Variants in ELMO1 observed in about 807,000 individuals in gnomAD.
The protein encoded by ELMO1 is engulfment and cell motility 1, also known as engulfment and cell motility protein 1.
A neutral mutation model predicts 98.9 loss-of-function variants in ELMO1; 26 were observed. The ratio of observed to expected loss-of-function variants is 0.26; its 90% CI spans 0.19 to 0.36. The LOEUF is 0.36. Among genes scored for constraint, ELMO1 ranks in the 10% least tolerant of loss-of-function variants. ELMO1 has a pLI of 1.00. For synonymous variants in ELMO1, 346 were observed against 346.0 expected (o/e 1.00, Z 0.00); for missense variants, 627 against 935.2 (o/e 0.67, Z 4.30).
chr7:37,036,256 C>A (rs1795168705), intron 15 of ELMO1, among the ~76,000 whole-genome samples: 1 of 152,090 alleles, frequency 6.6e-6, no homozygotes, highest in South Asian at 2.1e-4. Flanking sequence ...AATTCAAACC[C>A]ATGTTGCTCA....
At chr7:37,301,497 C>T (rs964392978) in intron 4 of ELMO1, among the ~76,000 whole-genome samples, 2 of 152,120 alleles carry the variant, frequency 1.3e-5, no homozygotes, top group African/African-American at 4.8e-5. Flanking sequence ...TGCTTGATGA[C>T]CAAGGTTGCC....
chr7:37,335,740 C>A (rs1480411963), intron 2 of ELMO1, among the ~76,000 whole-genome samples: 1 of 152,234 alleles, frequency 6.6e-6, no homozygotes, highest in African/African-American at 2.4e-5. Context: ...AACTATGTAT[C>A]TCTTCCCATT....
chr7:37,054,698 G>A (rs1003881644), intron 15 of ELMO1, among the ~76,000 whole-genome samples: 7 of 152,052 alleles, frequency 4.6e-5, no homozygotes, highest in African/African-American at 1.7e-4. Context: ...TCTATTTCAT[G>A]TAGTATTTTA....
intron 16 of ELMO1, among the ~76,000 whole-genome samples, chr7:36,896,207 T>C (rs985179076): frequency 6.6e-6 from 1 of 152,090 alleles, no homozygotes; most frequent in Non-Finnish European, 1.5e-5. Context: ...GTGGAGGAGG[T>C]GCTAGTATCA....
intron 1 of ELMO1, among the ~76,000 whole-genome samples, chr7:37,427,573 T>A (rs76087933): frequency 0.022 from 3,355 of 152,380 alleles, 62 homozygotes; most frequent in Non-Finnish European, 0.034. Context: ...CTCAGGATGA[T>A]ATTCTGCAAA....
chr7:37,392,626 G>A (rs543752662), intron 1 of ELMO1, among the ~76,000 whole-genome samples: 1 of 152,314 alleles, frequency 6.6e-6, no homozygotes, highest in Admixed American at 6.5e-5. Flanking sequence ...CCTCCCTATA[G>A]AATGGAGAGA....
chr7:37,407,094 A>C (rs1197076904), intron 1 of ELMO1, among the ~76,000 whole-genome samples: 2 of 152,214 alleles, frequency 1.3e-5, no homozygotes, highest in African/African-American at 4.8e-5. Flanking sequence ...CCTAACATAT[A>C]CTTGACAAAA....
intron 14 of ELMO1, among the ~76,000 whole-genome samples, chr7:37,103,352 C>T (rs1425733814): frequency 6.6e-6 from 1 of 152,020 alleles, no homozygotes; most frequent in Non-Finnish European, 1.5e-5. Context: ...ACATGGGTTT[C>T]CTCAAGTTCT....
chr7:37,254,882 C>T (rs780770754), intron 6 of ELMO1, among the ~76,000 whole-genome samples: 1 of 152,186 alleles, frequency 6.6e-6, no homozygotes, highest in Non-Finnish European at 1.5e-5. Flanking sequence ...TTGTATAATA[C>T]GTGTGCAACA....
chr7:36,926,174 G>A (rs1785555712), intron 16 of ELMO1, among the ~76,000 whole-genome samples: 1 of 152,194 alleles, frequency 6.6e-6, no homozygotes, highest in Non-Finnish European at 1.5e-5. Flanking sequence ...CAAAGAGGTG[G>A]AGGAAGGGAA....
At chr7:36,859,311 A>T (rs73335912) in intron 21 of ELMO1, among the ~76,000 whole-genome samples, 4,474 of 152,306 alleles carry the variant, frequency 0.029, 225 homozygotes, top group African/African-American at 0.1. Context: ...TGATCAGGGT[A>T]TTGCAGTTAT....
chr7:37,354,689 C>T (rs1801421810), intron 1 of ELMO1, among the ~76,000 whole-genome samples: 1 of 152,192 alleles, frequency 6.6e-6, no homozygotes, highest in African/African-American at 2.4e-5. Context: ...TGCTCCCTTC[C>T]TCCCAGCAAG....
chr7:36,938,614 TATC>T (rs1427648678), intron 16 of ELMO1, among the ~76,000 whole-genome samples: 1 of 152,258 alleles, frequency 6.6e-6, no homozygotes, highest in East Asian at 1.9e-4. Context: ...GGTATGCATA[TATC>T]ATATTATGAT....
At chr7:37,292,342 G>C (rs112531708) in intron 4 of ELMO1, among the ~76,000 whole-genome samples, 1 of 73,760 alleles carries the variant, frequency 1.4e-5, no homozygotes, top group Non-Finnish European at 3.9e-5. Context: ...CCAAAGTGCC[G>C]AGATTGCAGC....
intron 15 of ELMO1, among the ~76,000 whole-genome samples, chr7:37,086,779 T>C (rs1487610911): frequency 6.6e-6 from 1 of 150,598 alleles, no homozygotes; most frequent in Non-Finnish European, 1.5e-5. Context: ...ATCTTTGAAC[T>C]TTCTTGCCAA....
chr7:37,002,728 T>C (rs1438300064), intron 16 of ELMO1, among the ~76,000 whole-genome samples: 1 of 152,158 alleles, frequency 6.6e-6, no homozygotes, highest in Admixed American at 6.5e-5. Context: ...TTAACCAAGA[T>C]GTGGAATGCT....
At chr7:37,104,047 C>T (rs1424425883) in intron 14 of ELMO1, among the ~76,000 whole-genome samples, 4 of 64,484 alleles carry the variant, frequency 6.2e-5, no homozygotes, top group African/African-American at 2.0e-4. Context: ...AAAAAAAGAA[C>T]AGAGAAAGGA....
intron 2 of ELMO1, among the ~76,000 whole-genome samples, chr7:37,325,889 C>T (rs1011247298): frequency 6.6e-5 from 10 of 152,162 alleles, no homozygotes; most frequent in African/African-American, 2.4e-4. Flanking sequence ...AGCCATCTAG[C>T]TCCCAGAGGC....
chr7:37,192,968 G>A (rs1490381500), intron 13 of ELMO1, among the ~76,000 whole-genome samples: 6 of 94,250 alleles, frequency 6.4e-5, no homozygotes, highest in South Asian at 4.1e-4. Flanking sequence ...ATATATATAG[G>A]AGATATATAT....
Sources: gnomAD v4.1 joint callset for allele counts (sites outside exome capture counted in the v4.1 genomes callset) on GRCh38, gnomAD v4.1.1 for gene constraint, MANE v1.5 for transcripts, NCBI Gene and HGNC (gene_info 2026-07-23, HGNC 2026-07-21) for gene names.